GRID2: variants seen among roughly 807,000 people sequenced by gnomAD.
GRID2 encodes glutamate receptor ionotropic, delta-2.
A neutral mutation model predicts 114.8 loss-of-function variants in GRID2; 33 were observed. The observed-to-expected ratio is 0.29, with a 90% CI of 0.22 to 0.38. The LOEUF (loss-of-function observed/expected upper bound fraction) is 0.38. Among genes scored for constraint, GRID2 ranks in the 10% least tolerant of loss-of-function variants. The pLI, the probability that GRID2 is intolerant of heterozygous loss-of-function variation, is 1.00. For missense variants in GRID2, 1,184 were observed against 1,257.7 expected (o/e 0.94, Z 0.89); for synonymous variants, 505 against 449.9 (o/e 1.12, Z -1.55).
At chr4:93,658,283 CA>C (rs1365500636) in intron 14 of GRID2, among the ~76,000 whole-genome samples, 1 of 151,748 alleles carries the variant, frequency 6.6e-6, no homozygotes, top group Non-Finnish European at 1.5e-5. Context: ...CAAAAATAGA[CA>C]AAGATAACAA....
chr4:92,995,401 A>G lies in GRID2; in HGVS notation c.245-89594A>G, dbSNP rs77202420. On this transcript the variant is annotated intron_variant, in intron 2 of 15. Coordinates refer to ENST00000282020, the MANE Select transcript of GRID2 (RefSeq NM_001510.4). Reference sequence around the variant, plus strand: ...ATTGGCCACTGGCACACACTGTGTTAGATGCTTTATATATTCTCTTTTTAA... The same window carrying G: ...ATTGGCCACTGGCACACACTGTGTTGGATGCTTTATATATTCTCTTTTTAA... Among the ~76,000 whole-genome samples the G allele has an allele frequency of 4.6e-3, 702 of 152,320 alleles. 5 individuals carry two copies. The highest frequency in any genetic ancestry group is 0.016 in the African/African-American group (669 of 41,564).
At chr4:93,226,007 A>G (rs183394195) in intron 7 of GRID2, among the ~76,000 whole-genome samples, 2 of 152,184 alleles carry the variant, frequency 1.3e-5, no homozygotes, top group East Asian at 3.9e-4. Flanking sequence ...GCATTAATCT[A>G]TTTACGAGGT....
chr4:93,066,295 C>T (rs978557482), intron 2 of GRID2, among the ~76,000 whole-genome samples: 1 of 151,932 alleles, frequency 6.6e-6, no homozygotes, highest in Non-Finnish European at 1.5e-5. Flanking sequence ...TACATCTGTT[C>T]ATCTCATTAC....
In GRID2 at chr4:93,202,189, T is replaced by G. The variant is rs114174407; in HGVS notation, c.736-5215T>G. On this transcript the variant is annotated intron_variant, in intron 4 of 15. Coordinates refer to ENST00000282020, the MANE Select transcript of GRID2 (RefSeq NM_001510.4). ...TTTGATAACCAAGCATATTATTAAATAGAGTCCTCATTGGATAGTGGTTTT... is the reference window on the plus strand; with the variant it reads ...TTTGATAACCAAGCATATTATTAAAGAGAGTCCTCATTGGATAGTGGTTTT... 2.5e-3 allele frequency among the ~76,000 whole-genome samples: 381 copies of G among 152,274 alleles called. 1 individual carries two copies. Among genetic ancestry groups the G allele is most frequent in the African/African-American group, 8.8e-3 (365 of 41,570 alleles).
At chr4:92,347,185 A>C (rs1727810842) in intron 1 of GRID2, among the ~76,000 whole-genome samples, 1 of 152,234 alleles carries the variant, frequency 6.6e-6, no homozygotes, top group Admixed American at 6.5e-5. Context: ...GAACCAAAAA[A>C]TTGTGGCCAA....
intron 13 of GRID2, among the ~76,000 whole-genome samples, chr4:93,548,889 C>T (rs1227039073): frequency 2.6e-5 from 4 of 151,972 alleles, no homozygotes; most frequent in African/African-American, 9.7e-5. Context: ...CAGTGAATCA[C>T]ATCACCAAAG....
chr4:93,118,470 A>G lies in GRID2; in HGVS notation c.735+7517A>G, dbSNP rs74333258. The stretch of plus-strand genomic sequence containing the variant: ...TCATGGCATTTCAGATTTGAAAAAT[A>G]TAATATGTAATATTTTGTTGAATTC... On this transcript the variant is annotated intron_variant, in intron 4 of 15. Coordinates refer to ENST00000282020, the MANE Select transcript of GRID2 (RefSeq NM_001510.4). 7.7e-3 allele frequency among the ~76,000 whole-genome samples: 1,180 copies of G among 152,340 alleles called. 16 individuals carry two copies. Among genetic ancestry groups the G allele is most frequent in the African/African-American group, 0.027 (1,118 of 41,586 alleles).
chr4:93,083,938 A>C (rs1055272083), intron 2 of GRID2, among the ~76,000 whole-genome samples: 2 of 152,120 alleles, frequency 1.3e-5, no homozygotes, highest in African/African-American at 4.8e-5. Context: ...TTAACTGGCC[A>C]GTTAATTATA....
chr4:92,749,597 T>A (rs1432474511), intron 2 of GRID2, among the ~76,000 whole-genome samples: 2 of 152,040 alleles, frequency 1.3e-5, no homozygotes, highest in Non-Finnish European at 2.9e-5. Context: ...TTTTAAATGA[T>A]TTTTTGTTTC....
At chr4:93,729,270 C>T (rs897659214) in intron 14 of GRID2, among the ~76,000 whole-genome samples, 17 of 152,020 alleles carry the variant, frequency 1.1e-4, no homozygotes, top group African/African-American at 2.2e-4. Flanking sequence ...CTTATGGATC[C>T]GCTGAATAAA....
chr4:92,915,066 G>A (rs1207318325), intron 2 of GRID2, among the ~76,000 whole-genome samples: 1 of 152,138 alleles, frequency 6.6e-6, no homozygotes, highest in Non-Finnish European at 1.5e-5. Flanking sequence ...AGTTGAAGGG[G>A]AAGCAAGGCA....
intron 4 of GRID2, among the ~76,000 whole-genome samples, chr4:93,198,229 C>T (rs977312827): frequency 1.3e-5 from 2 of 152,132 alleles, no homozygotes; most frequent in African/African-American, 4.8e-5. Context: ...GCTTATTCTA[C>T]AGCACAGAAA....
chr4:92,733,615 A>C (rs1054184700), intron 2 of GRID2, among the ~76,000 whole-genome samples: 3 of 152,148 alleles, frequency 2.0e-5, no homozygotes, highest in African/African-American at 7.2e-5. Flanking sequence ...GCAAGGCTGC[A>C]GGGACTCAGC....
At chr4:92,387,534 C>T (rs1730023391) in intron 1 of GRID2, among the ~76,000 whole-genome samples, 1 of 151,872 alleles carries the variant, frequency 6.6e-6, no homozygotes. Flanking sequence ...TCCTATTTGT[C>T]TAGAGTATTT....
At chr4:93,048,189 T>A (rs1726347052) in intron 2 of GRID2, among the ~76,000 whole-genome samples, 1 of 152,054 alleles carries the variant, frequency 6.6e-6, no homozygotes, top group Non-Finnish European at 1.5e-5. Flanking sequence ...TAGCAGCTCA[T>A]GTCAGATTTC....
At chr4:93,666,011 A>G (rs1410306941) in intron 14 of GRID2, among the ~76,000 whole-genome samples, 1 of 152,102 alleles carries the variant, frequency 6.6e-6, no homozygotes, top group Admixed American at 6.6e-5. Context: ...ACTTATATGC[A>G]TATCTTCAAC....
chr4:93,393,307 A>G (rs1234892533), intron 8 of GRID2, among the ~76,000 whole-genome samples: 1 of 151,946 alleles, frequency 6.6e-6, no homozygotes, highest in African/African-American at 2.4e-5. Context: ...AAGAAGAAGA[A>G]CAACTGTACA....
chr4:93,226,138 C>A (rs574166591), intron 7 of GRID2, among the ~76,000 whole-genome samples: 5 of 152,156 alleles, frequency 3.3e-5, no homozygotes, highest in African/African-American at 1.2e-4. Flanking sequence ...CCTTTGACCC[C>A]CAATATTCAC....
chr4:93,564,238 A>G (rs1735197009), intron 13 of GRID2, among the ~76,000 whole-genome samples: 1 of 152,002 alleles, frequency 6.6e-6, no homozygotes. Context: ...ATTTTGCGTG[A>G]TTGGCATTCT....
Sources: gnomAD v4.1 joint callset for allele counts (sites outside exome capture counted in the v4.1 genomes callset) on GRCh38, gnomAD v4.1.1 for gene constraint, MANE v1.5 for transcripts, NCBI Gene and HGNC (gene_info 2026-07-23, HGNC 2026-07-21) for gene names.